Variants in AHR observed in about 807,000 individuals in gnomAD.
AHR encodes aryl hydrocarbon receptor.
A neutral mutation model predicts 86.8 loss-of-function variants in AHR; 40 were observed. The observed-to-expected ratio is 0.46, with a 90% CI of 0.36 to 0.60. The LOEUF (loss-of-function observed/expected upper bound fraction) is 0.60. AHR is among the 20% of genes least tolerant of loss of function. The pLI is 0.00. For synonymous variants in AHR, 398 were observed against 354.9 expected, an observed-to-expected ratio of 1.12 and a Z score of -1.37; for missense variants, 1,001 against 1,011.6, an observed-to-expected ratio of 0.99 and a Z score of 0.14.
intron 2 of AHR, among the ~76,000 whole-genome samples, chr7:17,315,318 T>C (rs1307296580): frequency 1.3e-5 from 2 of 152,064 alleles, no homozygotes; most frequent in Admixed American, 6.6e-5. Flanking sequence ...GATAGAACTT[T>C]ATATAGGATA....
At chr7:17,302,772 G>T (rs1443801682) in intron 1 of AHR, among the ~76,000 whole-genome samples, 7 of 151,092 alleles carry the variant, frequency 4.6e-5, no homozygotes, top group Non-Finnish European at 1.0e-4. Flanking sequence ...GTCAGCACCT[G>T]TACTGCTACT....
intron 3 of AHR, among the ~76,000 whole-genome samples, chr7:17,324,628 C>G (rs528706370): frequency 5.9e-5 from 9 of 152,140 alleles, no homozygotes; most frequent in African/African-American, 2.2e-4. Context: ...TAGGGAAACC[C>G]CATCTCTACT....
At chr7:17,324,538 C>A (rs894702005) in intron 3 of AHR, among the ~76,000 whole-genome samples, 1 of 152,158 alleles carries the variant, frequency 6.6e-6, no homozygotes, top group Non-Finnish European at 1.5e-5. Context: ...TGCGGTGGCT[C>A]ACGCCTGTGA....
intron 2 of AHR, among the ~76,000 whole-genome samples, chr7:17,315,874 C>G (rs1477958574): frequency 2.6e-5 from 4 of 152,012 alleles, no homozygotes; most frequent in African/African-American, 7.2e-5. Flanking sequence ...ATGAGTAACT[C>G]AAATTCGTTT....
chr7:17,325,441 A>G (rs1782218153), intron 3 of AHR, among the ~76,000 whole-genome samples: 1 of 152,202 alleles, frequency 6.6e-6, no homozygotes, highest in South Asian at 2.1e-4. Flanking sequence ...CTAGAAGCAG[A>G]TATTTTCAGG....
chr7:17,323,655 T>C (rs1782196787), intron 3 of AHR, among the ~76,000 whole-genome samples: 1 of 152,196 alleles, frequency 6.6e-6, no homozygotes. Flanking sequence ...TAAGTTTCGG[T>C]AACTCCACTA....
At position 17,340,167 on chromosome 7, in the gene AHR, C is replaced by T; in HGVS notation, c.2342C>T (p.Thr781Ile). 1 of 1,614,184 alleles carries T rather than the reference C, an allele frequency of 6.2e-7. No individual in the cohort carries two copies. Residue 781 changes from threonine to isoleucine, a missense_variant, in exon 10 of 11, where the codon ACC (threonine) becomes ATC (isoleucine). Coordinates refer to ENST00000242057, the MANE Select transcript of AHR (RefSeq NM_001621.5). ...MYQCQPEPQH[T>I]HVGQMQYNPV... ...CAGTGCCAGCCAGAACCTCAGCACA[C>T]CCACGTGGGTCAGATGCAGTACAAT...
intron 1 of AHR, among the ~76,000 whole-genome samples, chr7:17,304,820 TA>T (rs1781988931): frequency 6.6e-6 from 1 of 152,116 alleles, no homozygotes; most frequent in South Asian, 2.1e-4. Flanking sequence ...TGTACTAATT[TA>T]ACAATTAACT....
At chr7:17,305,154 TA>T (rs1781992811) in intron 1 of AHR, among the ~76,000 whole-genome samples, 1 of 152,118 alleles carries the variant, frequency 6.6e-6, no homozygotes, top group African/African-American at 2.4e-5. Flanking sequence ...TCTGACTCAT[TA>T]AAAGTGGCTT....
intron 2 of AHR, among the ~76,000 whole-genome samples, chr7:17,318,117 A>T (rs946198818): frequency 2.0e-5 from 3 of 152,154 alleles, no homozygotes; most frequent in African/African-American, 7.2e-5. Context: ...AGGGACTAAA[A>T]GGGGATATGC....
rs759706203 is a variant in AHR, at chr7:17,339,677, C to T, written c.1852C>T (p.His618Tyr). ...AAGCTGTATGGTACAGGAACACCTA[C>T]ATCTAGAACAGCAACAGCAACATCA... ...NSSCMVQEHL[H>Y]LEQQQQHHQK... Residue 618 changes from histidine to tyrosine, a missense_variant, in exon 10 of 11, where the codon CAT (histidine) becomes TAT (tyrosine). By Grantham distance (83) the His-to-Tyr change is moderately conservative. Coordinates refer to ENST00000242057, the MANE Select transcript of AHR (RefSeq NM_001621.5). 2.5e-6 allele frequency: 4 copies of T among 1,614,096 alleles called. No individual in the cohort carries two copies. In the South Asian group the frequency reaches 3.3e-5, roughly 13 times the overall value.
At chr7:17,330,205 C>T in intron 5 of AHR, 130 bp downstream of exon 5, 1 of 871,762 alleles carries the variant, frequency 1.1e-6, no homozygotes, top group Non-Finnish European at 1.7e-6. Context: ...AGTCTGCAAT[C>T]ATAGGCCACA....
chr7:17,308,700 A>AAC (rs372879452), intron 1 of AHR, among the ~76,000 whole-genome samples: 8,545 of 139,484 alleles, frequency 0.061, 302 homozygotes, highest in South Asian at 0.11. Flanking sequence ...TACATACATA[A>AAC]ACACACACAC....
At chr7:17,341,675 A>C (rs909824206) in intron 10 of AHR, among the ~76,000 whole-genome samples, 1 of 152,210 alleles carries the variant, frequency 6.6e-6, no homozygotes, top group South Asian at 2.1e-4. Context: ...CTTGGCTTGA[A>C]AAAAGAATGT....
In AHR at chr7:17,334,088, C is replaced by T. The variant is rs754003410; in HGVS notation, c.882C>T (p.Asp294=). 3.7e-6 allele frequency: 6 copies of T among 1,613,254 alleles called. No homozygotes were observed. The highest frequency in any genetic ancestry group is 4.2e-6 in the Non-Finnish European group (5 of 1,179,340). ...TCTTTAGAACCAAACACAAACTAGACTTCACACCTATTGGTTGTGATGCCA... is the reference window on the plus strand; with the variant it reads ...TCTTTAGAACCAAACACAAACTAGATTTCACACCTATTGGTTGTGATGCCA... ...NFIFRTKHKL[D]FTPIGCDAKG... is the part of the protein sequence containing the mutation. Residue 294 remains aspartate (D), a synonymous_variant, in exon 7 of 11, where the codon GAC becomes GAT. Coordinates refer to ENST00000242057, the MANE Select transcript of AHR (RefSeq NM_001621.5).
At position 17,299,158 on chromosome 7, in the gene AHR, C is replaced by A; in HGVS notation, c.-107C>A. 1 of 1,279,060 alleles carries A rather than the reference C, an allele frequency of 7.8e-7. No homozygotes were observed. Among genetic ancestry groups the A allele is most frequent in the African/African-American group, 1.6e-5 (1 of 63,364 alleles). The allele number at this position is 1,279,060 out of a possible 1,614,324, so 79.2% of individuals were successfully genotyped here. On this transcript the variant is annotated 5_prime_UTR_variant, in exon 1 of 11. Transcript: ENST00000242057. The stretch of plus-strand genomic sequence containing the variant: ...GAGGACGCAGGTGGAGCGGGCGCGG[C>A]TTCGCGGAACCCGGCGCCGGCCGCC...
intron 4 of AHR, 87 bp from the exon 5 acceptor site, chr7:17,329,865 C>T: frequency 1.7e-6 from 2 of 1,195,034 alleles, no homozygotes; most frequent in South Asian, 1.5e-5. Flanking sequence ...TAGCAAGCAC[C>T]CACTAATCTA....
chr7:17,321,328 T>C (rs1782170115), intron 2 of AHR, among the ~76,000 whole-genome samples: 1 of 152,036 alleles, frequency 6.6e-6, no homozygotes, highest in South Asian at 2.1e-4. Flanking sequence ...TTCTCATTAC[T>C]CTTCACAACA....
At chr7:17,333,765 A>G (rs2115366178) in intron 6 of AHR, 147 bp from the exon 7 acceptor site, 1 of 629,400 alleles carries the variant, frequency 1.6e-6, no homozygotes, top group East Asian at 2.7e-5. Context: ...TGGAGAGAGG[A>G]GTGAAGGAAA....
Sources: gnomAD v4.1 joint callset for allele counts (sites outside exome capture counted in the v4.1 genomes callset) on GRCh38, gnomAD v4.1.1 for gene constraint, MANE v1.5 for transcripts, NCBI Gene and HGNC (gene_info 2026-07-23, HGNC 2026-07-21) for gene names.